Variants in TTN observed in about 807,000 individuals in gnomAD.
TTN encodes the protein titin.
TTN carries 1,525 observed loss-of-function variants against 3,223.0 expected under a neutral mutation model. The observed-to-expected ratio is 0.47, with a 90% confidence interval of 0.45 to 0.49. The LOEUF is 0.49. Ranked by LOEUF, TTN falls within the 20% of genes least tolerant of loss-of-function variation. The pLI, the probability that TTN is intolerant of heterozygous loss-of-function variation, is 0.00. For missense variants in TTN, 40,786 were observed against 43,424.0 expected, an observed-to-expected ratio of 0.94 and a Z score of 5.40; for synonymous variants, 14,094 against 15,161.0, an observed-to-expected ratio of 0.93 and a Z score of 5.17.
Position 178,601,434 on chromosome 2 carries a change from A to T in TTN, c.55563T>A (p.Ile18521=). 6.2e-7 allele frequency: 1 copy of T among 1,612,886 alleles called. No homozygotes were observed. Among genetic ancestry groups the T allele is most frequent in the Non-Finnish European group, 8.5e-7 (1 of 1,179,330 alleles). The change falls in exon 287 of 363, where the codon ATT becomes ATA. Residue 18521 remains isoleucine (I), a synonymous_variant. Transcript: ENST00000589042. The part of the protein sequence containing the change: ...IKGYVIEKRT[I]DGKAWTKVNP... Reference sequence around the variant, plus strand: ...TGACTTTGGTCCAGGCTTTTCCATCAATAGTCCTCTTCTCAATAACATAGC... The same window carrying T: ...TGACTTTGGTCCAGGCTTTTCCATCTATAGTCCTCTTCTCAATAACATAGC...
chr2:178,533,168 T>C lies in TTN; in HGVS notation c.103447A>G (p.Met34483Val), dbSNP rs1269897575. The C allele has an allele frequency of 6.2e-7, 1 of 1,613,986 alleles. No individual in the cohort carries two copies. The highest frequency in any genetic ancestry group is 1.7e-5 in the Admixed American group (1 of 60,028). Residue 34483 changes from methionine (M) to valine (V), a missense_variant, in exon 358 of 363, where the codon ATG (methionine) becomes GTG (valine). Transcript: ENST00000589042. ...TCAGTTCCAGAAAGAATTTCAGCCATTCTGAGGGTTTTGTCAATTTGTTTT... is the reference window on the plus strand; with the variant it reads ...TCAGTTCCAGAAAGAATTTCAGCCACTCTGAGGGTTTTGTCAATTTGTTTT... Reference protein sequence around the residue: ...VQKQIDKTLRMAEILSGTESV... With the variant: ...VQKQIDKTLRVAEILSGTESV...
Position 178,579,689 on chromosome 2 carries a change from G to A in TTN, c.67508C>T (p.Ser22503Phe). ...TTTTGCAGAGTACTGTAGGCTTAAG[G>A]ATTTCATAACTCGTTGCCACTTATT... ...EENKWQRVMK[S>F]LSLQYSAKDL... Residue 22503 changes from serine to phenylalanine, a missense_variant, in exon 319 of 363, where the codon TCC becomes TTC. Ser to Phe is a radical substitution (Grantham distance 155). Transcript: ENST00000589042. 1 of 1,613,192 alleles carries A rather than the reference G, an allele frequency of 6.2e-7. No homozygotes were observed.
At chr2:178,724,739 TTTTC>T (rs747814835) in intron 71 of TTN, 11 of 511,926 alleles carry the variant, frequency 2.1e-5, no homozygotes, top group African/African-American at 1.0e-4. Flanking sequence ...CTTTTCAGTT[TTTTC>T]TTTATTTTTT....
At position 178,546,627 on chromosome 2, in the gene TTN, C is replaced by T. The variant is rs768216139; in HGVS notation, c.94801G>A (p.Gly31601Ser). Residue 31601 changes from glycine (G) to serine (S), a missense_variant, in exon 341 of 363, where the codon GGC becomes AGC. Transcript: ENST00000589042. ...TATTCATCTCGGCAAGTGACAGGGC[C>T]TGTAGATTCAGACCCTTTGCTAATT... is the stretch of plus-strand genomic sequence containing the variant. ...GVISKGSEST[G>S]PVTCRDEYAP... The T allele has an allele frequency of 6.2e-7, 1 of 1,612,262 alleles. No homozygotes were observed. Among genetic ancestry groups the T allele is most frequent in the South Asian group, 1.1e-5 (1 of 91,030 alleles).
chr2:178,530,773 G>C lies in TTN; in HGVS notation c.105842C>G (p.Pro35281Arg). 1.2e-6 allele frequency: 2 copies of C among 1,613,842 alleles called. No individual in the cohort carries two copies. The highest frequency in any genetic ancestry group is 8.5e-7 in the Non-Finnish European group (1 of 1,179,846). The stretch of plus-strand genomic sequence containing the variant: ...AGTAATCTTTGGTGGGGCAGAGACT[G>C]GGAGGTGCTGAACTTTCTCTGTTGG... The part of the protein sequence containing the change: ...PTPTEKVQHL[P>R]VSAPPKITQF... The change falls in exon 358 of 363, where the codon CCA (proline) becomes CGA (arginine). Residue 35281 changes from proline (P) to arginine (R), a missense_variant. Coordinates refer to ENST00000589042, the MANE Select transcript of TTN (RefSeq NM_001267550.2).
chr2:178,632,852 A>G (rs558131721), intron 234 of TTN, 60 bp from the exon 235 acceptor site: 387 of 1,612,192 alleles, frequency 2.4e-4, no homozygotes, highest in Non-Finnish European at 3.2e-4. Flanking sequence ...CCCTTGATCA[A>G]TGCAGGGGTG....
In TTN at chr2:178,740,834, G is replaced by A. The variant is rs753751110; in HGVS notation, c.12399C>T (p.Cys4133=). Residue 4133 remains cysteine (C), a synonymous_variant, in exon 48 of 363, where the codon TGC becomes TGT. Coordinates refer to ENST00000589042, the MANE Select transcript of TTN (RefSeq NM_001267550.2). ...LTPESTREFL[C]INGSIHFQPL... ...GCTGAAAGTGAATACTGCCATTGATGCAAAGAAATTCCCTGGTGCTTTCAG... is the reference window on the plus strand; with the variant it reads ...GCTGAAAGTGAATACTGCCATTGATACAAAGAAATTCCCTGGTGCTTTCAG... 2.5e-6 allele frequency: 4 copies of A among 1,613,638 alleles called. No individual in the cohort carries two copies. The highest frequency in any genetic ancestry group is 2.2e-5 in the East Asian group (1 of 44,876).
In TTN at chr2:178,568,334, GTATCTCTT is replaced by G; in HGVS notation, c.77790_77797del (p.Lys25930AsnfsTer15). 1 of 1,613,392 alleles carries G rather than the reference GTATCTCTT, an allele frequency of 6.2e-7. No homozygotes were observed. Among genetic ancestry groups the G allele is most frequent in the Non-Finnish European group, 8.5e-7 (1 of 1,179,620 alleles). On this transcript the variant is annotated frameshift_variant, in exon 326 of 363. Coordinates refer to ENST00000589042, the MANE Select transcript of TTN (RefSeq NM_001267550.2). LOFTEE classifies it high-confidence loss of function. Reference sequence around the variant, plus strand: ...AACAACATCCCATACTGTGGTGGTTGTATCTCTTTTCTGAACAATGTAGTTGGTGATTT... The same window carrying G: ...AACAACATCCCATACTGTGGTGGTTGTTCTGAACAATGTAGTTGGTGATTT...
At chr2:178,710,558 A>T in intron 98 of TTN, 77 bp downstream of exon 98, 1 of 1,479,744 alleles carries the variant, frequency 6.8e-7, no homozygotes, top group Non-Finnish European at 9.0e-7. Flanking sequence ...TGCATTCATC[A>T]TCATAAAAAC....
In TTN at chr2:178,770,492, T is replaced by C; in HGVS notation, c.8300A>G (p.Lys2767Arg). The change falls in exon 35 of 363, where the codon AAA (lysine) becomes AGA (arginine). Residue 2767 changes from lysine to arginine, a missense_variant. Lys to Arg is a conservative substitution (Grantham distance 26, BLOSUM62 2). Transcript: ENST00000589042. ...VKGTIYSLRI[K>R]NCAIVDESVY... ...AGACTCATCCACGATGGCACAGTTTTTAATCCTCAGAGAGTAAATTGTTCC... is the reference window on the plus strand; with the variant it reads ...AGACTCATCCACGATGGCACAGTTTCTAATCCTCAGAGAGTAAATTGTTCC... 1 of 1,614,166 alleles carries C rather than the reference T, an allele frequency of 6.2e-7. No homozygotes were observed. Among genetic ancestry groups the C allele is most frequent in the African/African-American group, 1.3e-5 (1 of 75,050 alleles).
At chr2:178,710,960 T>C (rs1356377328) in intron 97 of TTN, 38 bp from the exon 98 acceptor site, 2 of 1,584,002 alleles carry the variant, frequency 1.3e-6, no homozygotes, top group Non-Finnish European at 1.7e-6. Flanking sequence ...TCAGGCTCAA[T>C]ATCTGGACCA....
Position 178,685,589 on chromosome 2 carries a change from T to C in TTN, c.32321A>G (p.Glu10774Gly). Residue 10774 changes from glutamate to glycine, a missense_variant, in exon 128 of 363, where the codon GAG (glutamate) becomes GGG (glycine). Coordinates refer to ENST00000589042, the MANE Select transcript of TTN (RefSeq NM_001267550.2). Reference protein sequence around the residue: ...AEVTEYEVMEEPEEYVVEEKL... With the variant: ...AEVTEYEVMEGPEEYVVEEKL... ...TTCTTCCACAACATATTCCTCAGGC[T>C]CTTCCATCACTTTAAAGACAGCAGT... 1.2e-6 allele frequency: 2 copies of C among 1,613,508 alleles called. No homozygotes were observed. The highest frequency in any genetic ancestry group is 1.7e-6 in the Non-Finnish European group (2 of 1,179,684).
Position 178,532,721 on chromosome 2 carries a change from C to G in TTN, c.103894G>C (p.Val34632Leu). 6.2e-7 allele frequency: 1 copy of G among 1,613,948 alleles called. No homozygotes were observed. Among genetic ancestry groups the G allele is most frequent in the Non-Finnish European group, 8.5e-7 (1 of 1,179,864 alleles). Reference sequence around the variant, plus strand: ...GGTGTACGCCGGCGGGCTGGTCTCACTATCTCAAGATCATCTTGGGACAGT... The same window carrying G: ...GGTGTACGCCGGCGGGCTGGTCTCAGTATCTCAAGATCATCTTGGGACAGT... ...PKLSQDDLEI[V>L]RPARRRTPSP... Residue 34632 changes from valine to leucine, a missense_variant, in exon 358 of 363, where the codon GTG becomes CTG. Coordinates refer to ENST00000589042, the MANE Select transcript of TTN (RefSeq NM_001267550.2).
intron 6 of TTN, among the ~76,000 whole-genome samples, chr2:178,797,775 T>C (rs2093848038): frequency 6.6e-6 from 1 of 152,176 alleles, no homozygotes; most frequent in Non-Finnish European, 1.5e-5. Context: ...AAATGACTTT[T>C]TGCTTTTGCC....
intron 75 of TTN, 54 bp downstream of exon 75, chr2:178,722,992 T>C: frequency 6.3e-7 from 1 of 1,597,432 alleles, no homozygotes; most frequent in East Asian, 2.2e-5. Flanking sequence ...TCAAAGAAAC[T>C]ATGCTACATG....
chr2:178,611,502 G>T lies in TTN; in HGVS notation c.50727C>A (p.Asp16909Glu). The T allele has an allele frequency of 6.2e-7, 1 of 1,612,942 alleles. No homozygotes were observed. Among genetic ancestry groups the T allele is most frequent in the Non-Finnish European group, 8.5e-7 (1 of 1,179,298 alleles). Residue 16909 changes from aspartate (D) to glutamate (E), a missense_variant, in exon 269 of 363, where the codon GAC (aspartate) becomes GAA (glutamate). Coordinates refer to ENST00000589042, the MANE Select transcript of TTN (RefSeq NM_001267550.2). ...CACCTTCTTCAACCTTGAATTTCAAGTCCTTTATTGGGCGAGAATTAACTC... is the reference window on the plus strand; with the variant it reads ...CACCTTCTTCAACCTTGAATTTCAATTCCTTTATTGGGCGAGAATTAACTC... ...WMRVNSRPIKDLKFKVEEGVV... is the reference protein window; with the variant it reads ...WMRVNSRPIKELKFKVEEGVV...
chr2:178,674,783 A>T (rs1471788299), intron 150 of TTN, among the ~76,000 whole-genome samples: 1 of 151,726 alleles, frequency 6.6e-6, no homozygotes, highest in Non-Finnish European at 1.5e-5. Flanking sequence ...AAAATTTCCC[A>T]CAGCAAATAC....
chr2:178,756,862 G>A (rs551672993), intron 45 of TTN, 65 bp from the exon 46 acceptor site: 4 of 1,429,322 alleles, frequency 2.8e-6, no homozygotes, highest in African/African-American at 1.4e-5. Flanking sequence ...ACTTGCCCAT[G>A]TTAGTAACAC....
chr2:178,634,902 A>T lies in TTN; in HGVS notation c.42025-53T>A. ...TTGAAAGAGATAAATTCCCTATAGGAGAAGTGTTTCAGATACAAATTTCTA... is the reference window on the plus strand; with the variant it reads ...TTGAAAGAGATAAATTCCCTATAGGTGAAGTGTTTCAGATACAAATTTCTA... On this transcript the variant is annotated intron_variant, in intron 228 of 362. Coordinates refer to ENST00000589042, the MANE Select transcript of TTN (RefSeq NM_001267550.2). This position sits in a 1 kb window ranked among gnomAD's most constrained non-coding sequence, Gnocchi z 4.6. The T allele has an allele frequency of 1.9e-6, 3 of 1,561,226 alleles. No individual in the cohort carries two copies. Among genetic ancestry groups the T allele is most frequent in the Non-Finnish European group, 2.6e-6 (3 of 1,160,288 alleles).
Sources: gnomAD v4.1 joint callset for allele counts (sites outside exome capture counted in the v4.1 genomes callset) on GRCh38, gnomAD v4.1.1 for gene constraint, Gnocchi (gnomAD v3.1) non-coding constraint, MANE v1.5 for transcripts, NCBI Gene and HGNC (gene_info 2026-07-23, HGNC 2026-07-21) for gene names.